Variants in DAOA observed in about 807,000 individuals in gnomAD.
DAOA encodes D-amino acid oxidase activator, also known as D-amino acid oxidase regulator.
A neutral mutation model predicts 16.4 loss-of-function variants in DAOA; 15 were observed. The ratio of observed to expected loss-of-function variants is 0.91; its 90% confidence interval spans 0.61 to 1.41. The LOEUF (loss-of-function observed/expected upper bound fraction) is 1.41. Among genes scored for constraint, DAOA ranks in the 40% most tolerant of loss-of-function variants. The pLI, the probability that DAOA is intolerant of heterozygous loss-of-function variation, is 0.00. For synonymous variants in DAOA, 75 were observed against 59.1 expected (o/e 1.27, Z -1.23); for missense variants, 230 against 176.8 (o/e 1.30, Z -1.71).
intron 4 of DAOA, among the ~76,000 whole-genome samples, chr13:105,473,544 G>C (rs986347703): frequency 2.6e-5 from 4 of 151,882 alleles, no homozygotes; most frequent in African/African-American, 9.7e-5. Context: ...TTTATCTGAG[G>C]CTATTTAAAT....
intron 3 of DAOA, among the ~76,000 whole-genome samples, chr13:105,470,883 C>T (rs890372777): frequency 5.9e-5 from 9 of 152,054 alleles, no homozygotes; most frequent in South Asian, 2.1e-4. Flanking sequence ...CTCCGCCTCC[C>T]GGGTTCATGC....
chr13:105,477,005 T>G (rs1267438249), intron 4 of DAOA: 2 of 152,164 alleles, frequency 1.3e-5, no homozygotes, highest in Non-Finnish European at 2.9e-5. Flanking sequence ...CTGATGAAAT[T>G]TGTTAGTAGC....
chr13:105,486,744 G>A (rs770781914), intron 4 of DAOA, among the ~76,000 whole-genome samples: 1 of 151,568 alleles, frequency 6.6e-6, no homozygotes, highest in Non-Finnish European at 1.5e-5. Context: ...CCAGCCTCCC[G>A]AGTAGCTGGG....
At chr13:105,470,254 T>C (rs1394745291) in intron 3 of DAOA, among the ~76,000 whole-genome samples, 1 of 152,184 alleles carries the variant, frequency 6.6e-6, no homozygotes, top group Non-Finnish European at 1.5e-5. Context: ...ATCTTTGTTA[T>C]GTATTAAGCA....
chr13:105,485,114 T>C (rs1878020410), intron 4 of DAOA, among the ~76,000 whole-genome samples: 1 of 152,196 alleles, frequency 6.6e-6, no homozygotes. Context: ...TTTCTTCTAT[T>C]CTGACTAAAC....
intron 4 of DAOA, among the ~76,000 whole-genome samples, chr13:105,477,836 T>A (rs1004732877): frequency 6.6e-6 from 1 of 152,240 alleles, no homozygotes. Context: ...ACATAGTTTT[T>A]AAAATAATAG....
At position 105,469,531 on chromosome 13, in the gene DAOA, A is replaced by G. The variant is rs528915035; in HGVS notation, c.133+2390A>G. Among the ~76,000 whole-genome samples, 41 of 152,344 alleles carry G rather than the reference A, an allele frequency of 2.7e-4. No homozygotes were observed. The South Asian group carries it at 7.7e-3, about 28-fold the overall frequency. On this transcript the variant is annotated intron_variant, in intron 3 of 5. Coordinates refer to ENST00000375936, the MANE Select transcript of DAOA (RefSeq NM_172370.5). ...CATAGATGAAGGGGATATATATTTTATGAAGTAATGAGCTTATTATAGGGG... is the reference window on the plus strand; with the variant it reads ...CATAGATGAAGGGGATATATATTTTGTGAAGTAATGAGCTTATTATAGGGG...
intron 4 of DAOA, among the ~76,000 whole-genome samples, chr13:105,489,112 A>T (rs1482411625): frequency 6.6e-6 from 1 of 152,196 alleles, no homozygotes; most frequent in Non-Finnish European, 1.5e-5. Flanking sequence ...TAACTCTATT[A>T]CTTAGTGTGT....
Position 105,490,137 on chromosome 13 carries a change from A to G in DAOA, c.*56A>G, listed in dbSNP as rs1055493148. The G allele has an allele frequency of 2.0e-6, 3 of 1,511,548 alleles. No homozygotes were observed. Among genetic ancestry groups the G allele is most frequent in the African/African-American group, 1.4e-5 (1 of 72,018 alleles). The allele number at this position is 1,511,548 out of a possible 1,614,324, so 93.6% of individuals were successfully genotyped here. ...TTCTGATGACAATGTAGTCTGGCCAACATCTTCACTGGACTCTGACGGACT... is the reference window on the plus strand; with the variant it reads ...TTCTGATGACAATGTAGTCTGGCCAGCATCTTCACTGGACTCTGACGGACT... On this transcript the variant is annotated 3_prime_UTR_variant, in exon 5 of 6. Transcript: ENST00000375936.
chr13:105,474,987 G>T lies in DAOA; in HGVS notation c.281+2302G>T, dbSNP rs72549481. 4.6e-3 allele frequency: 4,534 copies of T among 985,310 alleles called. 12 individuals are homozygous for T. Among genetic ancestry groups the T allele is most frequent in the Non-Finnish European group, 5.3e-3 (4,363 of 829,490 alleles). The allele number at this position is 985,310 out of a possible 1,614,324, so 61.0% of individuals were successfully genotyped here. A position where few individuals can be genotyped will look rare whatever the true frequency, so the allele number is the denominator to read the frequency against. On this transcript the variant is annotated intron_variant, in intron 4 of 5. Transcript: ENST00000375936. ...CTCATTTTTTTCTAGACATTCCAAG[G>T]TGATTCTAAATGGCAATTTGCACTG... is the stretch of plus-strand genomic sequence containing the variant.
chr13:105,473,296 CT>C (rs1303341278), intron 4 of DAOA, among the ~76,000 whole-genome samples: 3 of 151,914 alleles, frequency 2.0e-5, no homozygotes, highest in Admixed American at 2.0e-4. Context: ...TGCTATCTAT[CT>C]TTTTTTGCCT....
intron 2 of DAOA, among the ~76,000 whole-genome samples, chr13:105,466,732 T>C (rs1337656258): frequency 6.6e-6 from 1 of 151,966 alleles, no homozygotes; most frequent in Non-Finnish European, 1.5e-5. Context: ...TTGTGCTTAT[T>C]TTGCAGTTAA....
rs529649898 is a variant in DAOA at position 105,473,063 on chromosome 13, C to T, written c.281+378C>T. Among the ~76,000 whole-genome samples the T allele has an allele frequency of 6.6e-5, 10 of 152,002 alleles. No individual in the cohort carries two copies. The South Asian group carries it at 2.1e-3, about 32-fold the overall frequency. ...TGTGTCTCTCTTTAGAACCTCAAGGCTATTGAGAGGGAAATATGTGAAAAA... is the reference window on the plus strand; with the variant it reads ...TGTGTCTCTCTTTAGAACCTCAAGGTTATTGAGAGGGAAATATGTGAAAAA... On this transcript the variant is annotated intron_variant, in intron 4 of 5. Coordinates refer to ENST00000375936, the MANE Select transcript of DAOA (RefSeq NM_172370.5).
chr13:105,481,670 C>A (rs747553553), intron 4 of DAOA, among the ~76,000 whole-genome samples: 49 of 152,254 alleles, frequency 3.2e-4, no homozygotes, highest in Non-Finnish European at 4.3e-4. Context: ...CTCTATCAAA[C>A]CTCTGGATCT....
rs1878476690 is a variant in DAOA, at chr13:105,490,967, A to G, written c.*167A>G. The G allele has an allele frequency of 6.6e-6, 1 of 152,050 alleles. No homozygotes were observed. The highest frequency in any genetic ancestry group is 1.5e-5 in the Non-Finnish European group (1 of 67,984). 9.4% of individuals were successfully genotyped at this position (152,050 alleles called of 1,614,324 possible). Reference sequence around the variant, plus strand: ...CAGTAAGTGATAAAATGCCATTTCTATGCACCCACCTGGCCTGTGTGACTG... The same window carrying G: ...CAGTAAGTGATAAAATGCCATTTCTGTGCACCCACCTGGCCTGTGTGACTG... On this transcript the variant is annotated 3_prime_UTR_variant, in exon 6 of 6. Transcript: ENST00000375936.
At chr13:105,489,088 C>T (rs1878332520) in intron 4 of DAOA, among the ~76,000 whole-genome samples, 2 of 152,326 alleles carry the variant, frequency 1.3e-5, no homozygotes, top group South Asian at 4.1e-4. Context: ...GTAGTACTTA[C>T]AGGACGGTGT....
At chr13:105,473,832 T>A (rs563128208) in intron 4 of DAOA, among the ~76,000 whole-genome samples, 2 of 152,220 alleles carry the variant, frequency 1.3e-5, no homozygotes, top group African/African-American at 4.8e-5. Flanking sequence ...AGAGTTCCAA[T>A]CAGAGCTGCC....
rs74114227 is a variant in DAOA, at chr13:105,487,170, C to T, written c.282-2731C>T. Among the ~76,000 whole-genome samples the T allele has an allele frequency of 3.7e-3, 556 of 152,180 alleles. 4 individuals are homozygous for T. Among genetic ancestry groups the T allele is most frequent in the African/African-American group, 0.013 (529 of 41,526 alleles). On this transcript the variant is annotated intron_variant, in intron 4 of 5. Transcript: ENST00000375936. ...TTTGCCAGCTGGTTTTGAAAATACCCGGAGTCTCACATATATGCAATTATT... is the reference window on the plus strand; with the variant it reads ...TTTGCCAGCTGGTTTTGAAAATACCTGGAGTCTCACATATATGCAATTATT...
At chr13:105,489,096 T>C (rs1018338160) in intron 4 of DAOA, among the ~76,000 whole-genome samples, 112 of 152,334 alleles carry the variant, frequency 7.4e-4, no homozygotes, top group African/African-American at 2.6e-3. Context: ...TACAGGACGG[T>C]GTGATTAACT....
Sources: allele counts gnomAD v4.1 joint callset (sites outside exome capture counted in the v4.1 genomes callset), GRCh38; gene constraint gnomAD v4.1.1; transcripts MANE v1.5; gene names NCBI Gene and HGNC (gene_info 2026-07-23, HGNC 2026-07-21).